LUZP2: variants seen among roughly 807,000 people sequenced by gnomAD.
LUZP2 encodes the protein leucine zipper protein 2.
In LUZP2, 52 loss-of-function variants were observed where a neutral mutation model predicts 51.6. That is an observed-to-expected ratio of 1.01 (90% CI 0.81 to 1.27). The LOEUF is 1.27. Ranked by LOEUF, LUZP2 falls within the 50% of genes most tolerant of loss-of-function variation. The probability of loss-of-function intolerance (pLI) is 0.00; values close to 1 mark genes in which losing one functional copy is unlikely to be tolerated. For synonymous variants in LUZP2, 154 were observed against 137.3 expected, an observed-to-expected ratio of 1.12 and a Z score of -0.85; for missense variants, 436 against 395.4, an observed-to-expected ratio of 1.10 and a Z score of -0.87.
At chr11:24,780,195 A>G (rs182322990) in intron 5 of LUZP2, among the ~76,000 whole-genome samples, 22 of 152,290 alleles carry the variant, frequency 1.4e-4, no homozygotes, top group Admixed American at 3.9e-4. Flanking sequence ...AGTGTGTTTT[A>G]TGATGGTGGA....
chr11:24,606,536 A>T (rs1853925001), intron 1 of LUZP2, among the ~76,000 whole-genome samples: 1 of 152,016 alleles, frequency 6.6e-6, no homozygotes, highest in Admixed American at 6.6e-5. Context: ...TTCTTTTTTC[A>T]TCAATCTTTC....
chr11:25,038,552 G>T (rs1333707512), intron 9 of LUZP2, among the ~76,000 whole-genome samples: 2 of 152,136 alleles, frequency 1.3e-5, no homozygotes, highest in African/African-American at 4.8e-5. Flanking sequence ...TTAAATCTTT[G>T]TACTGAATTG....
chr11:25,028,078 G>T (rs912419154), intron 9 of LUZP2, among the ~76,000 whole-genome samples: 1 of 151,834 alleles, frequency 6.6e-6, no homozygotes, highest in Non-Finnish European at 1.5e-5. Flanking sequence ...TTTAATTTGG[G>T]GGTACTAGTA....
At chr11:24,967,205 G>A (rs1454679828) in intron 7 of LUZP2, among the ~76,000 whole-genome samples, 2 of 151,738 alleles carry the variant, frequency 1.3e-5, no homozygotes, top group African/African-American at 2.4e-5. Flanking sequence ...TTTAAAAATA[G>A]CTTGTCAAAT....
chr11:24,861,908 A>G (rs1275025844), intron 5 of LUZP2, among the ~76,000 whole-genome samples: 1 of 152,098 alleles, frequency 6.6e-6, no homozygotes, highest in Non-Finnish European at 1.5e-5. Flanking sequence ...TAAGTAAACA[A>G]GCCTGTTTAT....
intron 7 of LUZP2, among the ~76,000 whole-genome samples, chr11:24,947,120 A>C (rs1370761984): frequency 6.6e-6 from 1 of 152,146 alleles, no homozygotes; most frequent in Non-Finnish European, 1.5e-5. Flanking sequence ...CCAATAACAT[A>C]AACAGTCAAT....
chr11:25,071,029 C>T (rs777512051), intron 10 of LUZP2, among the ~76,000 whole-genome samples: 4 of 151,802 alleles, frequency 2.6e-5, no homozygotes, highest in Admixed American at 6.6e-5. Context: ...TGACACGAAA[C>T]CATTCGTGTA....
chr11:24,857,821 C>T (rs1409813488), intron 5 of LUZP2, among the ~76,000 whole-genome samples: 1 of 151,992 alleles, frequency 6.6e-6, no homozygotes, highest in South Asian at 2.1e-4. Flanking sequence ...ATTTTTTAAG[C>T]TAAGGTTTTC....
At chr11:24,593,310 T>C (rs558965172) in intron 1 of LUZP2, among the ~76,000 whole-genome samples, 1 of 152,318 alleles carries the variant, frequency 6.6e-6, no homozygotes, top group Middle Eastern at 3.4e-3. Flanking sequence ...ATTATTCCTG[T>C]TGTCTTTAGC....
chr11:24,571,924 T>G (rs564068844), intron 1 of LUZP2, among the ~76,000 whole-genome samples: 133 of 152,170 alleles, frequency 8.7e-4, no homozygotes, highest in African/African-American at 3.1e-3. Flanking sequence ...CATCCTCTAT[T>G]TGTGTTACTC....
chr11:24,742,394 C>G (rs1419265827), intron 4 of LUZP2, among the ~76,000 whole-genome samples: 1 of 151,942 alleles, frequency 6.6e-6, no homozygotes, highest in Non-Finnish European at 1.5e-5. Flanking sequence ...TATGGCCATT[C>G]TTGCAGGAGT....
intron 5 of LUZP2, among the ~76,000 whole-genome samples, chr11:24,875,820 T>C (rs996736465): frequency 2.6e-5 from 4 of 152,204 alleles, no homozygotes; most frequent in Admixed American, 2.0e-4. Context: ...TGGTATCTCA[T>C]TGTGGTTTTG....
chr11:25,051,153 T>C (rs376993459), intron 10 of LUZP2, among the ~76,000 whole-genome samples: 1 of 152,252 alleles, frequency 6.6e-6, no homozygotes, highest in East Asian at 1.9e-4. Context: ...TGTTCTCTTT[T>C]TTCTCTTCTG....
At chr11:24,579,773 C>G (rs1852785880) in intron 1 of LUZP2, among the ~76,000 whole-genome samples, 1 of 151,956 alleles carries the variant, frequency 6.6e-6, no homozygotes, top group Admixed American at 6.6e-5. Flanking sequence ...CATTGCAAAC[C>G]TTAAAAAATT....
rs141390522 is a variant in LUZP2 at position 24,548,982 on chromosome 11, T to C, written c.62+51677T>C. 4.7e-4 allele frequency among the ~76,000 whole-genome samples: 71 copies of C among 152,144 alleles called. No homozygotes were observed. In the East Asian group the frequency reaches 0.013, roughly 27 times the overall value. Reference sequence around the variant, plus strand: ...ATACTGCTATAGACTTTACAAATACTGTATACTTACCCTATGTTAAATTTA... The same window carrying C: ...ATACTGCTATAGACTTTACAAATACCGTATACTTACCCTATGTTAAATTTA... On this transcript the variant is annotated intron_variant, in intron 1 of 11. Transcript: ENST00000336930.
At chr11:24,693,096 T>C (rs1471767902) in intron 1 of LUZP2, among the ~76,000 whole-genome samples, 11 of 152,044 alleles carry the variant, frequency 7.2e-5, no homozygotes, top group East Asian at 3.9e-4. Flanking sequence ...GAATTCACAG[T>C]CTTGGCTTTC....
At chr11:25,022,789 C>A (rs1332546169) in intron 9 of LUZP2, among the ~76,000 whole-genome samples, 1 of 151,988 alleles carries the variant, frequency 6.6e-6, no homozygotes, top group Non-Finnish European at 1.5e-5. Flanking sequence ...ATGGGTTTGT[C>A]ATAAATAGCT....
rs118151599 is a variant in LUZP2 at position 25,011,293 on chromosome 11, A to G, written c.765+28000A>G. ...CATGAGCATCTGTATCTCTCCTTAT[A>G]TCCATAAACTTATTCTATCATGTTG... On this transcript the variant is annotated intron_variant, in intron 9 of 11. Transcript: ENST00000336930. Among the ~76,000 whole-genome samples, 1,412 of 152,300 alleles carry G rather than the reference A, an allele frequency of 9.3e-3. 10 individuals carry two copies. Among genetic ancestry groups the G allele is most frequent in the Non-Finnish European group, 0.015 (1,014 of 68,008 alleles).
chr11:24,845,972 C>T (rs974018113), intron 5 of LUZP2, among the ~76,000 whole-genome samples: 1 of 151,952 alleles, frequency 6.6e-6, no homozygotes, highest in African/African-American at 2.4e-5. Context: ...ACTTAACATG[C>T]TATAATATAT....
Sources: allele counts gnomAD v4.1 joint callset (sites outside exome capture counted in the v4.1 genomes callset), GRCh38; gene constraint gnomAD v4.1.1; transcripts MANE v1.5; gene names NCBI Gene and HGNC (gene_info 2026-07-23, HGNC 2026-07-21).